The following VWA8 variants were observed in gnomAD, a reference collection of about 807,000 sequenced individuals.
VWA8 encodes von Willebrand factor A domain containing 8.
Under a neutral mutation model 241.5 loss-of-function variants are expected in VWA8, and 221 were observed. The ratio of observed to expected loss-of-function variants is 0.91; its 90% CI spans 0.82 to 1.02. The LOEUF is 1.02. Ranked by LOEUF, VWA8 falls within the 50% of genes least tolerant of loss-of-function variation. The probability of loss-of-function intolerance (pLI) is 0.00; values close to 1 mark genes in which losing one functional copy is unlikely to be tolerated. For missense variants in VWA8, 2,322 were observed against 2,328.7 expected, an observed-to-expected ratio of 1.00 and a Z score of 0.06; for synonymous variants, 852 against 827.1, an observed-to-expected ratio of 1.03 and a Z score of -0.52.
Position 41,787,464 on chromosome 13 carries a change from A to C in VWA8, c.2143T>G (p.Leu715Val). 1 of 1,612,554 alleles carries C rather than the reference A, an allele frequency of 6.2e-7. No homozygotes were observed. Among genetic ancestry groups the C allele is most frequent in the Non-Finnish European group, 8.5e-7 (1 of 1,179,218 alleles). ...TTGTAATCCTTCAGTTCTGGCTCCAAATTGTCATCAGTATTTATTTCTATT... is the reference window on the plus strand; with the variant it reads ...TTGTAATCCTTCAGTTCTGGCTCCACATTGTCATCAGTATTTATTTCTATT... ...ATIEINTDDN[L>V]EPELKDYKCE... Residue 715 changes from leucine to valine, a missense_variant, in exon 18 of 45, where the codon TTG (leucine) becomes GTG (valine). Coordinates refer to ENST00000379310, the MANE Select transcript of VWA8 (RefSeq NM_015058.2).
chr13:41,696,213 T>C (rs556894143), intron 29 of VWA8: 11 of 152,330 alleles, frequency 7.2e-5, no homozygotes, highest in Middle Eastern at 3.4e-3. Flanking sequence ...ATTCTGCTCC[T>C]AGGAGAAAGT....
intron 12 of VWA8, chr13:41,865,396 T>G: frequency 3.1e-6 from 1 of 318,380 alleles, no homozygotes; most frequent in South Asian, 2.6e-5. Context: ...TACTTATTTA[T>G]CAAACAGTAG....
Position 41,744,514 on chromosome 13 carries a change from T to C in VWA8, c.2427-12359A>G, listed in dbSNP as rs113347106. Among the ~76,000 whole-genome samples, 931 of 152,334 alleles carry C rather than the reference T, an allele frequency of 6.1e-3. 8 individuals carry two copies. Among genetic ancestry groups the C allele is most frequent in the African/African-American group, 0.021 (889 of 41,572 alleles). On this transcript the variant is annotated intron_variant, in intron 21 of 44. Transcript: ENST00000379310. ...ATTTAAGCCCCTCATCCCATCCCTT[T>C]CTGCTCATTTGTCACTGTTGCCATC...
intron 26 of VWA8, among the ~76,000 whole-genome samples, chr13:41,707,502 T>C (rs1003155750): frequency 1.3e-5 from 2 of 152,028 alleles, no homozygotes; most frequent in Non-Finnish European, 2.9e-5. Context: ...CCAACAACTC[T>C]CAAAAATTCA....
chr13:41,761,187 C>T lies in VWA8; in HGVS notation c.2367G>A (p.Lys789=). ...GCAGGTGAAGGAATCTGTCAACAAT[C>T]TTGTTTTTTCCTACACCCTGTAATT... ...LVGNQGVGKN[K]IVDRFLHLLN... is the part of the protein sequence containing the mutation. Residue 789 remains lysine, a synonymous_variant, in exon 21 of 45, where the codon AAG becomes AAA. Transcript: ENST00000379310. 2 of 1,611,212 alleles carry T rather than the reference C, an allele frequency of 1.2e-6. No individual in the cohort carries two copies. The highest frequency in any genetic ancestry group is 1.7e-6 in the Non-Finnish European group (2 of 1,178,260).
intron 24 of VWA8, among the ~76,000 whole-genome samples, chr13:41,723,016 G>A (rs1189666565): frequency 1.4e-4 from 22 of 152,190 alleles, no homozygotes; most frequent in Admixed American, 1.3e-3. Context: ...TAGCAGAGGC[G>A]TGGACTACTG....
chr13:41,758,607 T>C (rs1053965421), intron 21 of VWA8, among the ~76,000 whole-genome samples: 1 of 149,804 alleles, frequency 6.7e-6, no homozygotes, highest in Non-Finnish European at 1.5e-5. Flanking sequence ...TTTTTTTATA[T>C]GTTTCTTAAG....
intron 21 of VWA8, among the ~76,000 whole-genome samples, chr13:41,757,762 T>A (rs1307066071): frequency 6.6e-6 from 1 of 151,614 alleles, no homozygotes; most frequent in Non-Finnish European, 1.5e-5. Context: ...CTATATAAAA[T>A]TTAGGAAATG....
At chr13:41,569,744 C>G (rs1002123374) in intron 44 of VWA8, among the ~76,000 whole-genome samples, 1 of 150,218 alleles carries the variant, frequency 6.7e-6, no homozygotes, top group Non-Finnish European at 1.5e-5. Context: ...GTTTGTAATT[C>G]AAAAAGATAA....
intron 21 of VWA8, among the ~76,000 whole-genome samples, chr13:41,744,030 C>T (rs1300958917): frequency 6.6e-6 from 1 of 152,224 alleles, no homozygotes; most frequent in Non-Finnish European, 1.5e-5. Context: ...CAGGTGCCTG[C>T]TTCCCTTTCT....
At position 41,699,285 on chromosome 13, in the gene VWA8, AG is replaced by A; in HGVS notation, c.3365-16del. 1 of 1,613,348 alleles carries A rather than the reference AG, an allele frequency of 6.2e-7. No homozygotes were observed. The highest frequency in any genetic ancestry group is 8.5e-7 in the Non-Finnish European group (1 of 1,179,430). On this transcript the variant is annotated splice_polypyrimidine_tract_variant and intron_variant, in intron 28 of 44. Coordinates refer to ENST00000379310, the MANE Select transcript of VWA8 (RefSeq NM_015058.2). The stretch of plus-strand genomic sequence containing the variant: ...TTGCTCATTTTCTGAAATGACAAAA[AG>A]GTGTTAATTTTGTGGCTGGCAACCA...
At chr13:41,852,499 A>G (rs1317977012) in intron 12 of VWA8, among the ~76,000 whole-genome samples, 1 of 152,066 alleles carries the variant, frequency 6.6e-6, no homozygotes, top group East Asian at 1.9e-4. Flanking sequence ...TTGGCTGCCT[A>G]TGCTTTTGGT....
chr13:41,577,430 T>C (rs901416780), intron 42 of VWA8, among the ~76,000 whole-genome samples: 1 of 152,140 alleles, frequency 6.6e-6, no homozygotes, highest in Admixed American at 6.5e-5. Context: ...AAACTGAAAC[T>C]AAAAGCAGCT....
At chr13:41,926,060 A>T (rs1284383749) in intron 2 of VWA8, 1 of 461,476 alleles carries the variant, frequency 2.2e-6, no homozygotes, top group Non-Finnish European at 4.1e-6. Context: ...TCAAGTTGCA[A>T]GTCATGGTGA....
At chr13:41,773,962 G>T (rs890113799) in intron 20 of VWA8, among the ~76,000 whole-genome samples, 6 of 152,084 alleles carry the variant, frequency 3.9e-5, no homozygotes, top group African/African-American at 1.4e-4. Flanking sequence ...TGAGTAGGTA[G>T]TCCCTAGATT....
At chr13:41,736,844 CT>C (rs5803100) in intron 21 of VWA8, among the ~76,000 whole-genome samples, 1,672 of 128,434 alleles carry the variant, frequency 0.013, 19 homozygotes, top group African/African-American at 0.036. Flanking sequence ...TTTTTCTTTT[CT>C]TTTTTTTTTT....
chr13:41,626,816 C>G (rs896547001), intron 37 of VWA8, among the ~76,000 whole-genome samples: 1 of 152,058 alleles, frequency 6.6e-6, no homozygotes, highest in African/African-American at 2.4e-5. Flanking sequence ...TAAAAAAACC[C>G]TAGACAAAAA....
intron 34 of VWA8, among the ~76,000 whole-genome samples, chr13:41,686,594 C>G (rs901833462): frequency 6.6e-5 from 10 of 151,988 alleles, no homozygotes; most frequent in African/African-American, 2.2e-4. Context: ...ATATCCAATT[C>G]CAATCTAATA....
chr13:41,721,396 C>T lies in VWA8; in HGVS notation c.2938G>A (p.Val980Ile), dbSNP rs747052344. Reference sequence around the variant, plus strand: ...TGTAAATGTTTGACTATGTTGACAACTTCTCTGGTAGAATAAGGATAGTTA... The same window carrying T: ...TGTAAATGTTTGACTATGTTGACAATTTCTCTGGTAGAATAAGGATAGTTA... ...IINYPYSTRE[V>I]VNIVKHLQKF... is the part of the protein sequence containing the mutation. The change falls in exon 25 of 45, where the codon GTT (valine) becomes ATT (isoleucine). Residue 980 changes from valine to isoleucine, a missense_variant. Transcript: ENST00000379310. 6.2e-6 allele frequency: 10 copies of T among 1,613,750 alleles called. No homozygotes were observed. Among genetic ancestry groups the T allele is most frequent in the South Asian group, 1.1e-5 (1 of 91,074 alleles).
Sources: gnomAD v4.1 joint callset for allele counts (sites outside exome capture counted in the v4.1 genomes callset) on GRCh38, gnomAD v4.1.1 for gene constraint, MANE v1.5 for transcripts, NCBI Gene and HGNC (gene_info 2026-07-23, HGNC 2026-07-21) for gene names.